The following NCEH1 variants were observed in gnomAD, a reference collection of about 807,000 sequenced individuals.
NCEH1 encodes neutral cholesterol ester hydrolase 1.
In NCEH1, 9 loss-of-function variants were observed where a neutral mutation model predicts 25.4. That is an observed-to-expected ratio of 0.35 (90% CI 0.21 to 0.62). The LOEUF (loss-of-function observed/expected upper bound fraction) is 0.62, where lower values mean the gene tolerates loss of function less well. Among genes scored for constraint, NCEH1 ranks in the 20% least tolerant of loss-of-function variants. NCEH1 has a pLI of 0.72. For missense variants in NCEH1, 412 were observed against 501.1 expected (o/e 0.82, Z 1.70); for synonymous variants, 200 against 199.8 (o/e 1.00, Z -0.01).
At position 172,710,979 on chromosome 3, in the gene NCEH1, C is replaced by T; in HGVS notation, c.6G>A (p.Arg2=). 1.9e-6 allele frequency: 3 copies of T among 1,614,096 alleles called. No homozygotes were observed. Among genetic ancestry groups the T allele is most frequent in the South Asian group, 1.1e-5 (1 of 91,088 alleles). ...GGGCGGTGAGCAGGACACAGGACGACCTCATCTTGCCCTGGCTCGGCTCGC... is the reference window on the plus strand; with the variant it reads ...GGGCGGTGAGCAGGACACAGGACGATCTCATCTTGCCCTGGCTCGGCTCGC... M[R]SSCVLLTALV... is the part of the protein sequence containing the mutation. The change falls in exon 1 of 5, where the codon AGG becomes AGA. Residue 2 remains arginine (R), a synonymous_variant. Coordinates refer to ENST00000475381, the MANE Select transcript of NCEH1 (RefSeq NM_020792.6).
chr3:172,689,255 T>TG (rs1457530516), intron 1 of NCEH1, among the ~76,000 whole-genome samples: 1 of 142,870 alleles, frequency 7.0e-6, no homozygotes, highest in Non-Finnish European at 1.5e-5. Flanking sequence ...GAGTAACTTT[T>TG]TTTTTTTTTT....
intron 1 of NCEH1, among the ~76,000 whole-genome samples, chr3:172,664,117 T>C (rs568752567): frequency 8.5e-5 from 13 of 152,360 alleles, no homozygotes; most frequent in African/African-American, 3.1e-4. Flanking sequence ...TTTCCATGTT[T>C]AGTGCTTCCT....
In NCEH1 at chr3:172,630,501, T is replaced by C. The variant is rs1716298171; in HGVS notation, c.*2974A>G. The C allele has an allele frequency of 6.6e-6, 1 of 152,216 alleles. No homozygotes were observed. The highest frequency in any genetic ancestry group is 2.4e-5 in the African/African-American group (1 of 41,442). The allele number at this position is 152,216 out of a possible 1,614,324, so 9.4% of individuals were successfully genotyped here. ...AAACAAATGTCATCAAGGAGGCCAC[T>C]GAACCACCTCTCTAAAGGAAAGACA... On this transcript the variant is annotated 3_prime_UTR_variant, in exon 5 of 5. Transcript: ENST00000475381.
intron 3 of NCEH1, among the ~76,000 whole-genome samples, chr3:172,642,781 A>AT (rs1392881240): frequency 6.6e-6 from 1 of 152,120 alleles, no homozygotes; most frequent in East Asian, 1.9e-4. Context: ...GTCTAAAATG[A>AT]TTCTCATGAC....
chr3:172,651,544 C>T (rs1326298026), intron 1 of NCEH1, among the ~76,000 whole-genome samples: 1 of 151,938 alleles, frequency 6.6e-6, no homozygotes, highest in Non-Finnish European at 1.5e-5. Context: ...TTTTTAAAAG[C>T]CTGTATCTTT....
At chr3:172,639,884 CT>C (rs1716769688) in intron 3 of NCEH1, among the ~76,000 whole-genome samples, 1 of 152,174 alleles carries the variant, frequency 6.6e-6, no homozygotes, top group Non-Finnish European at 1.5e-5. Flanking sequence ...TCACTCAAAT[CT>C]CAAGCAAACT....
intron 1 of NCEH1, chr3:172,703,139 G>A (rs1713789048): frequency 6.6e-6 from 1 of 152,208 alleles, no homozygotes; most frequent in Non-Finnish European, 1.5e-5. Flanking sequence ...CACTTCAGCA[G>A]CACATACACT....
At chr3:172,681,716 C>T (rs1167576370) in intron 1 of NCEH1, among the ~76,000 whole-genome samples, 1 of 142,768 alleles carries the variant, frequency 7.0e-6, no homozygotes, top group Non-Finnish European at 1.5e-5. Flanking sequence ...ATGGTAAAAC[C>T]CTGTCTCTAG....
At chr3:172,700,328 TAAG>T (rs1410363290) in intron 1 of NCEH1, among the ~76,000 whole-genome samples, 3 of 151,760 alleles carry the variant, frequency 2.0e-5, no homozygotes, top group Admixed American at 6.6e-5. Flanking sequence ...ACACAAAAAA[TAAG>T]AAGAAGCACT....
At chr3:172,635,578 A>G (rs918277940) in intron 4 of NCEH1, among the ~76,000 whole-genome samples, 3 of 152,222 alleles carry the variant, frequency 2.0e-5, no homozygotes, top group African/African-American at 7.2e-5. Context: ...AATTTAAGCA[A>G]AAATACTCCG....
chr3:172,703,546 A>AAAAG (rs1713816713), intron 1 of NCEH1, among the ~76,000 whole-genome samples: 2 of 150,780 alleles, frequency 1.3e-5, no homozygotes, highest in African/African-American at 2.4e-5. Context: ...AAAAAAAAAA[A>AAAAG]GTAAATATAT....
chr3:172,704,159 A>C (rs1183095159), intron 1 of NCEH1, among the ~76,000 whole-genome samples: 1 of 152,214 alleles, frequency 6.6e-6, no homozygotes, highest in Non-Finnish European at 1.5e-5. Context: ...AACCACACCC[A>C]CACAGCCCAA....
At position 172,668,361 on chromosome 3, in the gene NCEH1, T is replaced by TC. The variant is rs1197945221; in HGVS notation, c.139-20248_139-20247insG. ...GGAAAAGGAAGCATTTTTTTTTTTT[T>TC]TTTTTTTTTTTTTGAGAGAGTCTCG... On this transcript the variant is annotated intron_variant, in intron 1 of 4. Transcript: ENST00000475381. 6.6e-5 allele frequency among the ~76,000 whole-genome samples: 9 copies of TC among 135,678 alleles called. 1 individual carries two copies. Among genetic ancestry groups the TC allele is most frequent in the Non-Finnish European group, 4.8e-5 (3 of 63,004 alleles). The allele number at this position is 135,678 out of a possible 152,430, so 89.0% of individuals were successfully genotyped here.
chr3:172,701,963 ACCACT>A (rs1235075353), intron 1 of NCEH1, among the ~76,000 whole-genome samples: 1 of 152,030 alleles, frequency 6.6e-6, no homozygotes, highest in African/African-American at 2.4e-5. Flanking sequence ...GCCAGTCTAA[ACCACT>A]TGTAGTTCCT....
chr3:172,650,383 C>T (rs914875492), intron 1 of NCEH1, among the ~76,000 whole-genome samples: 10 of 152,126 alleles, frequency 6.6e-5, no homozygotes, highest in Non-Finnish European at 8.8e-5. Flanking sequence ...GTGGCTCACG[C>T]CTGTAATCCC....
intron 1 of NCEH1, among the ~76,000 whole-genome samples, chr3:172,666,614 C>CTG (rs1431978833): frequency 6.6e-6 from 1 of 152,152 alleles, no homozygotes; most frequent in African/African-American, 2.4e-5. Context: ...ACCAAGGACC[C>CTG]TGGTGTTCCT....
chr3:172,658,713 C>T (rs149104877), intron 1 of NCEH1, among the ~76,000 whole-genome samples: 40 of 152,178 alleles, frequency 2.6e-4, no homozygotes, highest in African/African-American at 8.9e-4. Context: ...AGCTCACAGA[C>T]GGATTTAACA....
At chr3:172,691,273 T>A (rs565421803) in intron 1 of NCEH1, among the ~76,000 whole-genome samples, 1 of 152,306 alleles carries the variant, frequency 6.6e-6, no homozygotes, top group Admixed American at 6.5e-5. Context: ...ATCCAACTCA[T>A]CCCTCAGACC....
chr3:172,694,392 GTC>G (rs201036405), intron 1 of NCEH1, among the ~76,000 whole-genome samples: 18,528 of 147,724 alleles, frequency 0.13, 1,220 homozygotes, highest in Non-Finnish European at 0.16. Context: ...GTGTGTGTGT[GTC>G]TGTGTGTGTG....
Sources: gnomAD v4.1 joint callset for allele counts (sites outside exome capture counted in the v4.1 genomes callset) on GRCh38, gnomAD v4.1.1 for gene constraint, MANE v1.5 for transcripts, NCBI Gene and HGNC (gene_info 2026-07-23, HGNC 2026-07-21) for gene names.